Variants in PRKAG2 observed in about 807,000 individuals in gnomAD.
PRKAG2 encodes the protein protein kinase AMP-activated non-catalytic subunit gamma 2.
A neutral mutation model predicts 69.6 loss-of-function variants in PRKAG2; 26 were observed. The observed-to-expected ratio is 0.37, with a 90% CI of 0.27 to 0.52. The LOEUF (loss-of-function observed/expected upper bound fraction) is 0.52, where lower values mean the gene tolerates loss of function less well. Among genes scored for constraint, PRKAG2 ranks in the 20% least tolerant of loss-of-function variants. PRKAG2 has a pLI of 0.90. For synonymous variants in PRKAG2, 293 were observed against 285.0 expected (o/e 1.03, Z -0.28); for missense variants, 557 against 740.0 (o/e 0.75, Z 2.87).
chr7:151,745,583 A>AT (rs1401704916), intron 3 of PRKAG2, among the ~76,000 whole-genome samples: 2 of 152,072 alleles, frequency 1.3e-5, no homozygotes, highest in Non-Finnish European at 2.9e-5. Flanking sequence ...CAAGAGGGTG[A>AT]TTTTTTTGGC....
chr7:151,707,837 CA>C (rs1465065240), intron 3 of PRKAG2, among the ~76,000 whole-genome samples: 1 of 152,170 alleles, frequency 6.6e-6, no homozygotes, highest in East Asian at 1.9e-4. Flanking sequence ...GTGCCCAACT[CA>C]CCCCGGGGCC....
chr7:151,780,273 G>A lies in PRKAG2; in HGVS notation c.466+879C>T, dbSNP rs1046904546. Among the ~76,000 whole-genome samples the A allele has an allele frequency of 2.0e-5, 3 of 152,186 alleles. No individual in the cohort carries two copies. Among genetic ancestry groups the A allele is most frequent in the Non-Finnish European group, 4.4e-5 (3 of 68,034 alleles). On this transcript the variant is annotated intron_variant, in intron 3 of 15. Transcript: ENST00000287878. This position sits in a 1 kb window ranked among gnomAD's most constrained non-coding sequence, Gnocchi z 4.2. The stretch of plus-strand genomic sequence containing the variant: ...ACACCGAAATTCCCCTCTTGCTGCC[G>A]CCTGGCCTTGCAGATATAAAGCGTT...
At chr7:151,768,295 T>C (rs1449358861) in intron 3 of PRKAG2, among the ~76,000 whole-genome samples, 6 of 152,202 alleles carry the variant, frequency 3.9e-5, no homozygotes, top group Non-Finnish European at 7.3e-5. Flanking sequence ...TCATCATTCA[T>C]GAGGCCAAAC....
chr7:151,874,000 G>A (rs1437852067), intron 1 of PRKAG2, among the ~76,000 whole-genome samples: 1 of 145,916 alleles, frequency 6.9e-6, no homozygotes, highest in Non-Finnish European at 1.5e-5. Context: ...TGTATATGAT[G>A]TATATGTATA....
intron 1 of PRKAG2, among the ~76,000 whole-genome samples, chr7:151,845,990 C>T (rs906763654): frequency 1.3e-5 from 2 of 152,182 alleles, no homozygotes; most frequent in African/African-American, 4.8e-5. Flanking sequence ...TGGAGGAGCC[C>T]TCCTCAACAG....
intron 5 of PRKAG2, among the ~76,000 whole-genome samples, chr7:151,623,289 G>C: frequency 6.7e-6 from 1 of 148,472 alleles, no homozygotes; most frequent in East Asian, 2.0e-4. Context: ...GCTGGAACCT[G>C]GGAGGTGGAG....
At chr7:151,775,880 T>C (rs2151791706) in intron 3 of PRKAG2, among the ~76,000 whole-genome samples, 1 of 152,286 alleles carries the variant, frequency 6.6e-6, no homozygotes, top group South Asian at 2.1e-4. Context: ...TTTCATGAAG[T>C]TAGTTCTAGG....
At chr7:151,713,046 C>T (rs1459392864) in intron 3 of PRKAG2, among the ~76,000 whole-genome samples, 1 of 152,194 alleles carries the variant, frequency 6.6e-6, no homozygotes, top group Non-Finnish European at 1.5e-5. Context: ...TACAAATGCC[C>T]AGTGGATGGC....
At chr7:151,580,175 C>T (rs1170188037) in intron 6 of PRKAG2, among the ~76,000 whole-genome samples, 1 of 152,090 alleles carries the variant, frequency 6.6e-6, no homozygotes, top group Non-Finnish European at 1.5e-5. Flanking sequence ...GAAAAAACCC[C>T]ATCTCTACCA....
At chr7:151,873,850 T>C (rs1252499034) in intron 1 of PRKAG2, among the ~76,000 whole-genome samples, 1 of 152,104 alleles carries the variant, frequency 6.6e-6, no homozygotes, top group Non-Finnish European at 1.5e-5. Context: ...CACCCTGCAT[T>C]TGGAACCAGC....
chr7:151,596,762 TA>T (rs111510726), intron 5 of PRKAG2, among the ~76,000 whole-genome samples: 21,638 of 149,270 alleles, frequency 0.14, 1,627 homozygotes, highest in East Asian at 0.27. Context: ...TAAATAAAAA[TA>T]AAAAAAAAGA....
intron 5 of PRKAG2, among the ~76,000 whole-genome samples, chr7:151,608,639 A>G (rs1247564081): frequency 1.3e-5 from 2 of 152,196 alleles, no homozygotes; most frequent in Non-Finnish European, 2.9e-5. Flanking sequence ...TGAGATGACT[A>G]TATTGTGTTC....
intron 1 of PRKAG2, among the ~76,000 whole-genome samples, chr7:151,811,228 C>T (rs1388274075): frequency 1.3e-5 from 2 of 152,208 alleles, no homozygotes; most frequent in East Asian, 1.9e-4. Flanking sequence ...CCACGGCTGA[C>T]GGCTCACCTG....
intron 5 of PRKAG2, among the ~76,000 whole-genome samples, chr7:151,605,852 C>T (rs1817404243): frequency 1.3e-5 from 2 of 151,208 alleles, no homozygotes; most frequent in South Asian, 2.1e-4. Context: ...GCAGAAGAAT[C>T]GCTTGAACCC....
chr7:151,643,789 C>T (rs1481347784), intron 4 of PRKAG2, among the ~76,000 whole-genome samples: 1 of 152,174 alleles, frequency 6.6e-6, no homozygotes, highest in African/African-American at 2.4e-5. Context: ...TGTAGTGTCC[C>T]TTTTTGTTGT....
intron 3 of PRKAG2, among the ~76,000 whole-genome samples, chr7:151,685,132 T>C (rs757929747): frequency 2.0e-5 from 3 of 151,968 alleles, no homozygotes; most frequent in Non-Finnish European, 4.4e-5. Context: ...TTCTTCTCTT[T>C]CCCCCCAGCC....
chr7:151,749,575 T>C lies in PRKAG2; in HGVS notation c.466+31577A>G, dbSNP rs1369816650. Among the ~76,000 whole-genome samples, 4 of 152,250 alleles carry C rather than the reference T, an allele frequency of 2.6e-5. No individual in the cohort carries two copies. In the East Asian group the frequency reaches 5.8e-4, roughly 22 times the overall value. On this transcript the variant is annotated intron_variant, in intron 3 of 15. Transcript: ENST00000287878. ...ATTTGCAAGTCATATATCTGATAAG[T>C]GTCTAGTATCCAGAATACATAAAGA...
chr7:151,795,926 TTA>T (rs2077512778), intron 1 of PRKAG2, among the ~76,000 whole-genome samples: 2 of 139,578 alleles, frequency 1.4e-5, no homozygotes, highest in Non-Finnish European at 3.1e-5. Flanking sequence ...GTTATATACA[TTA>T]TATAGAGTTA....
chr7:151,627,042 T>C (rs372179752), intron 5 of PRKAG2, among the ~76,000 whole-genome samples: 1 of 152,158 alleles, frequency 6.6e-6, no homozygotes, highest in East Asian at 1.9e-4. Flanking sequence ...GAGTGATTAT[T>C]GGTTGCTTTG....
Sources: gnomAD v4.1 joint callset for allele counts (sites outside exome capture counted in the v4.1 genomes callset) on GRCh38, gnomAD v4.1.1 for gene constraint, Gnocchi (gnomAD v3.1) non-coding constraint, MANE v1.5 for transcripts, NCBI Gene and HGNC (gene_info 2026-07-23, HGNC 2026-07-21) for gene names.